BEGAIN: variants seen among roughly 807,000 people sequenced by gnomAD.
The protein encoded by BEGAIN is brain enriched guanylate kinase associated, also known as brain-enriched guanylate kinase-associated protein.
A neutral mutation model predicts 35.8 loss-of-function variants in BEGAIN; 19 were observed. That is an observed-to-expected ratio of 0.53 (90% CI 0.37 to 0.78). The LOEUF (loss-of-function observed/expected upper bound fraction) is 0.78, where lower values mean the gene tolerates loss of function less well. Ranked by LOEUF, BEGAIN falls within the 30% of genes least tolerant of loss-of-function variation. The pLI is 0.00. For synonymous variants in BEGAIN, 462 were observed against 388.6 expected (o/e 1.19, Z -2.22); for missense variants, 795 against 853.6 (o/e 0.93, Z 0.85).
Position 100,539,045 on chromosome 14 carries a change from G to C in BEGAIN, c.763C>G (p.Pro255Ala), listed in dbSNP as rs2031122528. Residue 255 changes from proline to alanine, a missense_variant, in exon 7 of 7, where the codon CCG becomes GCG. Physicochemically the swap from Pro to Ala is conservative, Grantham distance 27. This residue lies in a region of BEGAIN where 664 missense variants were observed against 647.7 expected (regional missense o/e 1.03). Coordinates refer to ENST00000554140, the MANE Select transcript of BEGAIN (RefSeq NM_001385089.1). ...IYCSDTALYC[P>A]EERRRDRRPS... ...CGCCGGTCTCGCCGCCGCTCCTCCG[G>C]GCAGTAGAGGGCTGTGTCACTGCAG... 1 of 1,612,382 alleles carries C rather than the reference G, an allele frequency of 6.2e-7. No individual in the cohort carries two copies. Among genetic ancestry groups the C allele is most frequent in the African/African-American group, 1.3e-5 (1 of 75,058 alleles).
Position 100,568,831 on chromosome 14 carries a change from C to T in BEGAIN, c.43-892G>A, listed in dbSNP as rs2034949046. 5 of 982,192 alleles carry T rather than the reference C, an allele frequency of 5.1e-6. No individual in the cohort carries two copies. The highest frequency in any genetic ancestry group is 4.7e-5 in the South Asian group (1 of 21,398). 60.8% of individuals were successfully genotyped at this position (982,192 alleles called of 1,614,324 possible). ...AGAGGCCGCTCCCCGGGGCTTTGCC[C>T]GTCTTTCTGTGCCGTGACTGGCACT... On this transcript the variant is annotated intron_variant, in intron 1 of 6. Coordinates refer to ENST00000554140, the MANE Select transcript of BEGAIN (RefSeq NM_001385089.1). This position sits in a 1 kb window ranked among gnomAD's most constrained non-coding sequence, Gnocchi z 7.5.
At position 100,564,723 on chromosome 14, in the gene BEGAIN, G is replaced by A. The variant is rs114907112; in HGVS notation, c.71+3188C>T. 8.6e-3 allele frequency among the ~76,000 whole-genome samples: 1,308 copies of A among 152,208 alleles called. 21 individuals are homozygous for A. Among genetic ancestry groups the A allele is most frequent in the African/African-American group, 0.03 (1,237 of 41,538 alleles). On this transcript the variant is annotated intron_variant, in intron 2 of 6. Coordinates refer to ENST00000554140, the MANE Select transcript of BEGAIN (RefSeq NM_001385089.1). ...CCGGCCTGTGGGAGCCCTACTGTGCGCCAGCCTCTGCCAGGCACTGTGGCT... is the reference window on the plus strand; with the variant it reads ...CCGGCCTGTGGGAGCCCTACTGTGCACCAGCCTCTGCCAGGCACTGTGGCT...
intron 5 of BEGAIN, among the ~76,000 whole-genome samples, chr14:100,542,860 T>G (rs2031831911): frequency 1.3e-5 from 2 of 152,194 alleles, no homozygotes. Context: ...GCACGTGCAA[T>G]CACGTTGCTC....
rs141921234 is a variant in BEGAIN, at chr14:100,557,741, C to T, written c.71+10170G>A. Among the ~76,000 whole-genome samples, 58 of 152,256 alleles carry T rather than the reference C, an allele frequency of 3.8e-4. 1 individual carries two copies. Among genetic ancestry groups the T allele is most frequent in the African/African-American group, 1.2e-3 (51 of 41,538 alleles). ...CACAGACTGACTCAGGGATCCTAGG[C>T]GTGCCTGTGCCATTCCCCTCGACTT... On this transcript the variant is annotated intron_variant, in intron 2 of 6. Transcript: ENST00000554140.
rs377126918 is a variant in BEGAIN at position 100,567,170 on chromosome 14, G to A, written c.71+741C>T. Among the ~76,000 whole-genome samples, 72 of 152,304 alleles carry A rather than the reference G, an allele frequency of 4.7e-4. No individual in the cohort carries two copies. Among genetic ancestry groups the A allele is most frequent in the Admixed American group, 1.4e-3 (21 of 15,306 alleles). On this transcript the variant is annotated intron_variant, in intron 2 of 6. Coordinates refer to ENST00000554140, the MANE Select transcript of BEGAIN (RefSeq NM_001385089.1). This position sits in a 1 kb window ranked among gnomAD's most constrained non-coding sequence, Gnocchi z 5.1. ...AACGCCTCGGCTCAGGCTCCGGAAG[G>A]AAAACACGGGAGGGGTGTTCCCAAA...
At chr14:100,569,848 C>T (rs1275986348) in intron 1 of BEGAIN, 1 of 154,504 alleles carries the variant, frequency 6.5e-6, no homozygotes, top group African/African-American at 2.4e-5. Context: ...ATGAGGAAAA[C>T]CCCCTCCGCC....
chr14:100,538,354 G>T lies in BEGAIN; in HGVS notation c.1454C>A (p.Pro485Gln). ...PGKKADGRAS[P>Q]LYASYKADSF... ...GTCGGCCTTGTAGCTGGCGTAGAGCGGGCTGGCGCGGCCGTCGGCCTTCTT... is the reference window on the plus strand; with the variant it reads ...GTCGGCCTTGTAGCTGGCGTAGAGCTGGCTGGCGCGGCCGTCGGCCTTCTT... The change falls in exon 7 of 7, where the codon CCG (proline) becomes CAG (glutamine). Residue 485 changes from proline (P) to glutamine (Q), a missense_variant. Transcript: ENST00000554140. 6.6e-7 allele frequency: 1 copy of T among 1,514,296 alleles called. No individual in the cohort carries two copies. Among genetic ancestry groups the T allele is most frequent in the Non-Finnish European group, 8.8e-7 (1 of 1,138,346 alleles). 93.8% of individuals were successfully genotyped at this position (1,514,296 alleles called of 1,614,324 possible). A position where few individuals can be genotyped will look rare whatever the true frequency, so the allele number is the denominator to read the frequency against.
chr14:100,554,886 C>T (rs902391722), intron 2 of BEGAIN, among the ~76,000 whole-genome samples: 10 of 152,274 alleles, frequency 6.6e-5, no homozygotes, highest in Admixed American at 5.9e-4. Context: ...CTGGCCCCCC[C>T]CACCTTCCCG....
chr14:100,557,010 C>T (rs566700223), intron 2 of BEGAIN, among the ~76,000 whole-genome samples: 4 of 152,304 alleles, frequency 2.6e-5, no homozygotes, highest in Admixed American at 1.3e-4. Flanking sequence ...GCACCACACA[C>T]GAGTCAGGGC....
At chr14:100,555,076 T>C (rs944954209) in intron 2 of BEGAIN, among the ~76,000 whole-genome samples, 3 of 152,238 alleles carry the variant, frequency 2.0e-5, no homozygotes, top group Non-Finnish European at 4.4e-5. Flanking sequence ...GGACCTCGCC[T>C]GGTCTTTCCC....
At chr14:100,578,707 G>A (rs2035255101) in intron 1 of BEGAIN, among the ~76,000 whole-genome samples, 1 of 152,182 alleles carries the variant, frequency 6.6e-6, no homozygotes, top group Non-Finnish European at 1.5e-5. Context: ...AGTGATGGCT[G>A]GAGCTGTGGC....
At position 100,538,364 on chromosome 14, in the gene BEGAIN, G is replaced by C. The variant is rs777358522; in HGVS notation, c.1444C>G (p.Arg482Gly). 1.3e-6 allele frequency: 2 copies of C among 1,512,788 alleles called. No individual in the cohort carries two copies. Among genetic ancestry groups the C allele is most frequent in the African/African-American group, 1.4e-5 (1 of 70,900 alleles). 93.7% of individuals were successfully genotyped at this position (1,512,788 alleles called of 1,614,324 possible). A position where few individuals can be genotyped will look rare whatever the true frequency, so the allele number is the denominator to read the frequency against. ...GGSPGKKADGRASPLYASYKA... is the reference protein window; with the variant it reads ...GGSPGKKADGGASPLYASYKA... ...TAGCTGGCGTAGAGCGGGCTGGCGCGGCCGTCGGCCTTCTTGCCCGGGCTG... is the reference window on the plus strand; with the variant it reads ...TAGCTGGCGTAGAGCGGGCTGGCGCCGCCGTCGGCCTTCTTGCCCGGGCTG... The change falls in exon 7 of 7, where the codon CGC becomes GGC. Residue 482 changes from arginine (R) to glycine (G), a missense_variant. By Grantham distance (125) the Arg-to-Gly change is moderately radical (BLOSUM62 -2). Transcript: ENST00000554140.
At chr14:100,547,150 C>G (rs1376317511) in intron 2 of BEGAIN, 1 of 152,762 alleles carries the variant, frequency 6.5e-6, no homozygotes, top group Non-Finnish European at 1.5e-5. Context: ...GTGCCATGCC[C>G]AAGACCAGAC....
At chr14:100,545,956 T>C (rs966477985) in intron 3 of BEGAIN, 2 of 152,562 alleles carry the variant, frequency 1.3e-5, no homozygotes, top group Non-Finnish European at 2.9e-5. Context: ...AAGTGCATAT[T>C]ACATTTCAGA....
intron 1 of BEGAIN, among the ~76,000 whole-genome samples, chr14:100,585,205 A>C (rs2035408549): frequency 8.7e-6 from 1 of 114,662 alleles, no homozygotes; most frequent in African/African-American, 3.6e-5. Flanking sequence ...CCATCCATCC[A>C]TCCATCCATC....
rs767436637 is a variant in BEGAIN at position 100,543,982 on chromosome 14, GGGAGGA to G, written c.301-23_301-18del. The stretch of plus-strand genomic sequence containing the variant: ...GTGCTGGCCCTGGGGGTGGGACAGT[GGGAGGA>G]GGAGGCCCGTGGTTGGCTCCTGGTG... On this transcript the variant is annotated intron_variant, in intron 4 of 6. Transcript: ENST00000554140. 1.9e-6 allele frequency: 3 copies of G among 1,586,162 alleles called. No homozygotes were observed. Among genetic ancestry groups the G allele is most frequent in the South Asian group, 2.3e-5 (2 of 87,986 alleles).
intron 2 of BEGAIN, among the ~76,000 whole-genome samples, chr14:100,550,874 T>C (rs967024094): frequency 1.3e-5 from 2 of 152,110 alleles, no homozygotes; most frequent in East Asian, 3.9e-4. Context: ...GCCCCTGAAG[T>C]CAGTTGTTCC....
At chr14:100,555,703 G>A (rs1019449364) in intron 2 of BEGAIN, among the ~76,000 whole-genome samples, 2 of 152,206 alleles carry the variant, frequency 1.3e-5, no homozygotes, top group African/African-American at 2.4e-5. Flanking sequence ...ATCCTGGTGC[G>A]TGTCTCCCGC....
At position 100,568,723 on chromosome 14, in the gene BEGAIN, C is replaced by A. The variant is rs1418385292; in HGVS notation, c.43-784G>T. ...CGTTAACCTTGTGGGCGCGGGCGAG[C>A]GACGGGGACCGCGAGCGGCCCGGGC... On this transcript the variant is annotated intron_variant, in intron 1 of 6. Coordinates refer to ENST00000554140, the MANE Select transcript of BEGAIN (RefSeq NM_001385089.1). This position sits in a 1 kb window ranked among gnomAD's most constrained non-coding sequence, Gnocchi z 7.5. Among the ~76,000 whole-genome samples the A allele has an allele frequency of 6.6e-6, 1 of 151,766 alleles. No homozygotes were observed. The highest frequency in any genetic ancestry group is 1.9e-4 in the East Asian group (1 of 5,140).
Sources: allele counts gnomAD v4.1 joint callset (sites outside exome capture counted in the v4.1 genomes callset), GRCh38; gene constraint gnomAD v4.1.1; regional missense constraint gnomAD v4.1.1; non-coding constraint Gnocchi (gnomAD v3.1); transcripts MANE v1.5; gene names NCBI Gene and HGNC (gene_info 2026-07-23, HGNC 2026-07-21).